The following ASPH variants were observed in gnomAD, a reference collection of about 807,000 sequenced individuals.
ASPH encodes aspartate beta-hydroxylase.
A neutral mutation model predicts 118.4 loss-of-function variants in ASPH; 100 were observed. The observed-to-expected ratio is 0.84, with a 90% confidence interval of 0.72 to 1.00. The LOEUF is 1.00. ASPH is among the 50% of genes least tolerant of loss of function. ASPH has a pLI of 0.00. For missense variants in ASPH, 920 were observed against 919.5 expected, an observed-to-expected ratio of 1.00 and a Z score of -0.01; for synonymous variants, 315 against 325.6, an observed-to-expected ratio of 0.97 and a Z score of 0.35.
intron 1 of ASPH, among the ~76,000 whole-genome samples, chr8:61,704,831 G>A (rs1836193538): frequency 1.3e-5 from 2 of 151,986 alleles, no homozygotes; most frequent in South Asian, 4.1e-4. Flanking sequence ...ACCAAATGTT[G>A]GTACATATGT....
intron 21 of ASPH, among the ~76,000 whole-genome samples, chr8:61,527,857 T>G (rs993605734): frequency 1.3e-5 from 2 of 152,302 alleles, no homozygotes; most frequent in African/African-American, 4.8e-5. Context: ...GGTGGTCTTG[T>G]TGGTGGTCAG....
chr8:61,673,438 A>G lies in ASPH; in HGVS notation c.322+7530T>C, dbSNP rs560381735. 5.3e-5 allele frequency among the ~76,000 whole-genome samples: 8 copies of G among 152,350 alleles called. No individual in the cohort carries two copies. The East Asian group carries it at 1.5e-3, about 29-fold the overall frequency. Reference sequence around the variant, plus strand: ...GAACCCAGCGTCTTTGCAATCGGACAAATGTCAGCACATCCGAATAAGCCA... The same window carrying G: ...GAACCCAGCGTCTTTGCAATCGGACGAATGTCAGCACATCCGAATAAGCCA... On this transcript the variant is annotated intron_variant, in intron 3 of 24. Transcript: ENST00000379454.
intron 3 of ASPH, 41 bp from the exon 4 acceptor site, chr8:61,653,701 G>T: frequency 6.3e-7 from 1 of 1,585,990 alleles, no homozygotes. Flanking sequence ...AGTTTTTGTG[G>T]GGTTTTCTGT....
rs1589164630 is a variant in ASPH at position 61,684,413 on chromosome 8, G to T, written c.104-225C>A. 15 of 471,988 alleles carry T rather than the reference G, an allele frequency of 3.2e-5. No individual in the cohort carries two copies. In the East Asian group the frequency reaches 5.0e-4, roughly 16 times the overall value. The allele number at this position is 471,988 out of a possible 1,614,324, so 29.2% of individuals were successfully genotyped here. On this transcript the variant is annotated intron_variant, in intron 1 of 24. Coordinates refer to ENST00000379454, the MANE Select transcript of ASPH (RefSeq NM_004318.4). ...GAAGTAGTGCAGGAAATAAACTCCT[G>T]AATTTTTTTAAAGATTTAGTATAAT...
chr8:61,665,682 A>G, intron 3 of ASPH: 2 of 1,426,552 alleles, frequency 1.4e-6, no homozygotes, highest in Non-Finnish European at 9.3e-7. Flanking sequence ...AGTTAGTGAA[A>G]AGGTATTCTC....
intron 14 of ASPH, among the ~76,000 whole-genome samples, chr8:61,589,368 C>G (rs541100374): frequency 3.3e-5 from 5 of 152,236 alleles, no homozygotes; most frequent in South Asian, 2.1e-4. Flanking sequence ...GGAATAAAAA[C>G]AGCATCCTTT....
intron 14 of ASPH, among the ~76,000 whole-genome samples, chr8:61,600,392 A>G (rs1843654099): frequency 6.8e-6 from 1 of 147,198 alleles, no homozygotes; most frequent in Non-Finnish European, 1.5e-5. Flanking sequence ...CAAAAGGGCA[A>G]GAAAAAGAAA....
At chr8:61,666,061 T>C (rs753214437) in intron 3 of ASPH, among the ~76,000 whole-genome samples, 4 of 152,172 alleles carry the variant, frequency 2.6e-5, no homozygotes, top group South Asian at 2.1e-4. Context: ...ACGTGCTTCT[T>C]TGAAGACAAA....
chr8:61,550,477 A>AAGAGAG (rs36069979), intron 20 of ASPH, among the ~76,000 whole-genome samples: 26 of 148,050 alleles, frequency 1.8e-4, no homozygotes, highest in East Asian at 1.4e-3. Flanking sequence ...ACATAAGAGA[A>AAGAGAG]AGAGAGAGAG....
chr8:61,504,586 C>T (rs1047361372), intron 24 of ASPH, among the ~76,000 whole-genome samples: 4 of 152,192 alleles, frequency 2.6e-5, no homozygotes, highest in African/African-American at 9.7e-5. Flanking sequence ...GTACTACTGA[C>T]ATCTAGGCTG....
chr8:61,512,322 T>A (rs988970971), intron 24 of ASPH, among the ~76,000 whole-genome samples: 1 of 152,184 alleles, frequency 6.6e-6, no homozygotes, highest in African/African-American at 2.4e-5. Flanking sequence ...CAACCTGGAT[T>A]AGGGTAGGCC....
At position 61,562,753 on chromosome 8, in the gene ASPH, A is replaced by C. The variant is rs1172979910; in HGVS notation, c.1428T>G (p.Val476=). The part of the protein sequence containing the change: ...LIGDNDNAKK[V]YEEVLSVTPN... ...CAAGATTGATGCTTACCTCTTCATA[A>C]ACTTTCTTTGCATTGTCATTATCTC... is the stretch of plus-strand genomic sequence containing the variant. Residue 476 remains valine, a synonymous_variant, in exon 18 of 25, where the codon GTT becomes GTG. Transcript: ENST00000379454. 1 of 1,606,844 alleles carries C rather than the reference A, an allele frequency of 6.2e-7. No individual in the cohort carries two copies. The highest frequency in any genetic ancestry group is 2.2e-5 in the East Asian group (1 of 44,582).
At chr8:61,691,857 C>A (rs184000338) in intron 1 of ASPH, among the ~76,000 whole-genome samples, 33 of 152,286 alleles carry the variant, frequency 2.2e-4, no homozygotes, top group African/African-American at 7.2e-4. Context: ...ACCTTACCCC[C>A]AATTTAGAGC....
chr8:61,703,053 A>G (rs771429338), intron 1 of ASPH, among the ~76,000 whole-genome samples: 1 of 152,230 alleles, frequency 6.6e-6, no homozygotes, highest in Non-Finnish European at 1.5e-5. Flanking sequence ...AAAGCAATAT[A>G]TAAAAAGGAC....
chr8:61,700,919 A>T (rs890456053), intron 1 of ASPH, among the ~76,000 whole-genome samples: 1 of 152,236 alleles, frequency 6.6e-6, no homozygotes, highest in Non-Finnish European at 1.5e-5. Flanking sequence ...CTTTATAGTT[A>T]TTTAAAGTGA....
At chr8:61,624,230 T>G in intron 13 of ASPH, 1 of 985,162 alleles carries the variant, frequency 1.0e-6, no homozygotes, top group African/African-American at 1.7e-5. Flanking sequence ...AATTAAAAAT[T>G]TGGGGAAAAA....
chr8:61,569,396 G>A (rs1832786956), intron 16 of ASPH, among the ~76,000 whole-genome samples: 1 of 152,086 alleles, frequency 6.6e-6, no homozygotes, highest in African/African-American at 2.4e-5. Context: ...ACATGTTTAT[G>A]TTGTTAAAAT....
At chr8:61,645,683 T>G (rs1281342029) in intron 6 of ASPH, among the ~76,000 whole-genome samples, 1 of 152,246 alleles carries the variant, frequency 6.6e-6, no homozygotes, top group Non-Finnish European at 1.5e-5. Flanking sequence ...CAGAAAATTA[T>G]GCATTATATA....
intron 14 of ASPH, among the ~76,000 whole-genome samples, chr8:61,604,249 T>G (rs774696110): frequency 8.6e-5 from 13 of 152,018 alleles, no homozygotes; most frequent in Non-Finnish European, 1.6e-4. Flanking sequence ...GCAAGAAGAC[T>G]CCCTGGATGT....
Sources: gnomAD v4.1 joint callset for allele counts (sites outside exome capture counted in the v4.1 genomes callset) on GRCh38, gnomAD v4.1.1 for gene constraint, MANE v1.5 for transcripts, NCBI Gene and HGNC (gene_info 2026-07-23, HGNC 2026-07-21) for gene names.